STRN: variants seen among roughly 807,000 people sequenced by gnomAD.
STRN encodes the protein striatin.
A neutral mutation model predicts 96.3 loss-of-function variants in STRN; 53 were observed. The observed-to-expected ratio is 0.55, with a 90% CI of 0.44 to 0.69. The LOEUF is 0.69. Ranked by LOEUF, STRN falls within the 30% of genes least tolerant of loss-of-function variation. The pLI is 0.00. For missense variants in STRN, 987 were observed against 963.9 expected (o/e 1.02, Z -0.32); for synonymous variants, 428 against 355.9 (o/e 1.20, Z -2.28).
intron 5 of STRN, among the ~76,000 whole-genome samples, chr2:36,901,327 T>G (rs981265313): frequency 2.6e-5 from 4 of 151,776 alleles, no homozygotes; most frequent in Admixed American, 2.6e-4. Context: ...CCAAGGCGGG[T>G]GGATCATGAG....
At chr2:36,850,761 A>G in intron 16 of STRN, among the ~76,000 whole-genome samples, 1 of 152,152 alleles carries the variant, frequency 6.6e-6, no homozygotes, top group East Asian at 1.9e-4. Context: ...CCTTGGCTCT[A>G]AAGCCTACAT....
chr2:36,926,924 G>A (rs1238250214), intron 1 of STRN, among the ~76,000 whole-genome samples: 2 of 152,094 alleles, frequency 1.3e-5, no homozygotes, highest in Non-Finnish European at 2.9e-5. Context: ...GGAAATGACA[G>A]CCCAACTTGT....
intron 1 of STRN, among the ~76,000 whole-genome samples, chr2:36,951,067 T>C (rs1664741151): frequency 6.6e-6 from 1 of 152,184 alleles, no homozygotes; most frequent in African/African-American, 2.4e-5. Flanking sequence ...AGAAAAAATA[T>C]TCAATTAGTT....
chr2:36,841,893 A>T lies in STRN; in HGVS notation c.*7563T>A, dbSNP rs912832666. The T allele has an allele frequency of 6.6e-6, 1 of 152,212 alleles. No individual in the cohort carries two copies. The highest frequency in any genetic ancestry group is 6.5e-5 in the Admixed American group (1 of 15,274). 9.4% of individuals were successfully genotyped at this position (152,212 alleles called of 1,614,324 possible). A position where few individuals can be genotyped will look rare whatever the true frequency, so the allele number is the denominator to read the frequency against. On this transcript the variant is annotated 3_prime_UTR_variant, in exon 18 of 18. Coordinates refer to ENST00000263918, the MANE Select transcript of STRN (RefSeq NM_003162.4). ...GAAGTGGTATACTGCCAGCCCATTG[A>T]AGTTGAAATGGAAGACAATGTGGCT...
chr2:36,882,997 A>G (rs1669114603), intron 9 of STRN, among the ~76,000 whole-genome samples: 1 of 152,226 alleles, frequency 6.6e-6, no homozygotes. Flanking sequence ...AATAACCTAA[A>G]TATTCAAAAG....
At chr2:36,873,823 A>G (rs1668827056) in intron 10 of STRN, among the ~76,000 whole-genome samples, 1 of 151,532 alleles carries the variant, frequency 6.6e-6, no homozygotes, top group African/African-American at 2.4e-5. Context: ...TGTGCCTGTA[A>G]TCTCAGCTAC....
intron 2 of STRN, among the ~76,000 whole-genome samples, chr2:36,916,952 CTTG>C (rs1317579321): frequency 6.6e-6 from 1 of 151,202 alleles, no homozygotes; most frequent in African/African-American, 2.4e-5. Context: ...CATATTTTCA[CTTG>C]TTGGCTCCCT....
chr2:36,854,700 A>T lies in STRN; in HGVS notation c.1978+512T>A, dbSNP rs41416146. Among the ~76,000 whole-genome samples, 1,101 of 152,322 alleles carry T rather than the reference A, an allele frequency of 7.2e-3. 15 individuals are homozygous for T. Among genetic ancestry groups the T allele is most frequent in the African/African-American group, 0.025 (1,059 of 41,574 alleles). On this transcript the variant is annotated intron_variant, in intron 15 of 17. Coordinates refer to ENST00000263918, the MANE Select transcript of STRN (RefSeq NM_003162.4). ...GGCTAACGACAGAAAGCAATGGTTA[A>T]GAAAGCCAAAAACCAAAAAAGAGTC...
In STRN at chr2:36,956,652, C is replaced by G. The variant is rs145056224; in HGVS notation, c.234+9578G>C. Among the ~76,000 whole-genome samples the G allele has an allele frequency of 9.2e-4, 140 of 152,308 alleles. 2 individuals are homozygous for G. The East Asian group carries it at 0.023, about 25-fold the overall frequency. On this transcript the variant is annotated intron_variant, in intron 1 of 17. Coordinates refer to ENST00000263918, the MANE Select transcript of STRN (RefSeq NM_003162.4). ...CAAACACCTTTCATTGACTGCATAG[C>G]AAAGGGTTTTGTTTGTTTTAAACTC...
intron 1 of STRN, among the ~76,000 whole-genome samples, chr2:36,952,207 T>G (rs1043948900): frequency 6.6e-6 from 1 of 152,204 alleles, no homozygotes; most frequent in Non-Finnish European, 1.5e-5. Flanking sequence ...AAACAAATTT[T>G]TTAAGATACC....
intron 4 of STRN, among the ~76,000 whole-genome samples, chr2:36,903,941 C>A (rs942675407): frequency 6.6e-6 from 1 of 152,134 alleles, no homozygotes; most frequent in Admixed American, 6.5e-5. Flanking sequence ...ATTACAAATA[C>A]CTGTTTCAAA....
At chr2:36,896,597 T>C (rs1197871762) in intron 6 of STRN, among the ~76,000 whole-genome samples, 1 of 152,166 alleles carries the variant, frequency 6.6e-6, no homozygotes, top group Non-Finnish European at 1.5e-5. Context: ...GATGCCTAAG[T>C]AGATTAGAAA....
intron 7 of STRN, among the ~76,000 whole-genome samples, chr2:36,890,182 G>A (rs1220033066): frequency 5.3e-5 from 8 of 152,172 alleles, no homozygotes; most frequent in Non-Finnish European, 1.2e-4. Context: ...CACAAGCTCA[G>A]TAGGGAATAA....
intron 12 of STRN, among the ~76,000 whole-genome samples, chr2:36,864,583 C>G (rs1052479172): frequency 1.3e-5 from 2 of 152,248 alleles, no homozygotes; most frequent in African/African-American, 4.8e-5. Flanking sequence ...ATTTTTGCAT[C>G]TATGTTCATC....
intron 1 of STRN, among the ~76,000 whole-genome samples, chr2:36,957,980 C>T (rs1163298912): frequency 4.9e-5 from 7 of 142,108 alleles, no homozygotes; most frequent in South Asian, 2.3e-4. Context: ...AGTACAGTGG[C>T]GCGATCTTGG....
intron 2 of STRN, among the ~76,000 whole-genome samples, chr2:36,920,892 T>C (rs898722204): frequency 2.0e-5 from 3 of 151,790 alleles, no homozygotes; most frequent in Admixed American, 6.6e-5. Context: ...CTGGCCAAGA[T>C]GGTGACACCC....
chr2:36,857,391 T>C (rs1032985717), intron 14 of STRN, among the ~76,000 whole-genome samples: 2 of 152,058 alleles, frequency 1.3e-5, no homozygotes, highest in Non-Finnish European at 2.9e-5. Flanking sequence ...TCAAAAATTA[T>C]AGGCTGGGTG....
chr2:36,851,579 A>G (rs532209512), intron 15 of STRN, among the ~76,000 whole-genome samples: 17 of 152,194 alleles, frequency 1.1e-4, no homozygotes, highest in East Asian at 1.9e-4. Context: ...CAAAATTTCA[A>G]TGTTAGGAAA....
intron 7 of STRN, among the ~76,000 whole-genome samples, chr2:36,892,153 A>G (rs1428455511): frequency 6.6e-6 from 1 of 152,244 alleles, no homozygotes; most frequent in Non-Finnish European, 1.5e-5. Flanking sequence ...AAGTAAATTA[A>G]CATAGAAACA....
Sources: gnomAD v4.1 joint callset for allele counts (sites outside exome capture counted in the v4.1 genomes callset) on GRCh38, gnomAD v4.1.1 for gene constraint, MANE v1.5 for transcripts, NCBI Gene and HGNC (gene_info 2026-07-23, HGNC 2026-07-21) for gene names.